IGSF10: variants seen among roughly 807,000 people sequenced by gnomAD.
IGSF10 encodes immunoglobulin superfamily member 10.
IGSF10 carries 126 observed loss-of-function variants against 128.2 expected under a neutral mutation model. The ratio of observed to expected loss-of-function variants is 0.98; its 90% CI spans 0.85 to 1.14. The LOEUF is 1.14. IGSF10 is among the 50% of genes most tolerant of loss of function. The pLI is 0.00. For synonymous variants in IGSF10, 1,185 were observed against 1,146.2 expected (o/e 1.03, Z -0.68); for missense variants, 3,295 against 3,149.8 (o/e 1.05, Z -1.10).
the IGSF10 span, among the ~76,000 whole-genome samples, chr3:151,588,573 G>A: frequency 6.6e-6 from 1 of 152,144 alleles, no homozygotes; most frequent in African/African-American, 2.4e-5. Flanking sequence ...CCTATTAGGT[G>A]GTTACAGCCC....
chr3:151,452,937 G>A (rs544266165), intron 5 of IGSF10, among the ~76,000 whole-genome samples: 55 of 152,114 alleles, frequency 3.6e-4, no homozygotes, highest in African/African-American at 1.0e-3. Flanking sequence ...CAGCAGGTAC[G>A]AGGAGGTAAA....
the IGSF10 span, among the ~76,000 whole-genome samples, chr3:151,513,771 C>T: frequency 2.0e-5 from 3 of 152,064 alleles, no homozygotes; most frequent in East Asian, 1.9e-4. Flanking sequence ...ACTTCAGCAA[C>T]GTCTCAGGAT....
Position 151,447,295 on chromosome 3 carries a change from G to A in IGSF10, c.2686C>T (p.Leu896=). 6.2e-7 allele frequency: 1 copy of A among 1,614,192 alleles called. No individual in the cohort carries two copies. Among genetic ancestry groups the A allele is most frequent in the Non-Finnish European group, 8.5e-7 (1 of 1,180,028 alleles). Residue 896 remains leucine (L), a synonymous_variant, in exon 6 of 8, where the codon CTG becomes TTG. Transcript: ENST00000282466. ...TNQHSSTVFP[L]LLGATEFQDS... is the part of the protein sequence containing the mutation. ...TGAAATTCAGTTGCTCCAAGTAGCA[G>A]TGGAAAGACAGTGGATGAATGTTGA... is the stretch of plus-strand genomic sequence containing the variant.
the IGSF10 span, among the ~76,000 whole-genome samples, chr3:151,613,646 C>T: frequency 2.6e-5 from 4 of 152,226 alleles, no homozygotes; most frequent in African/African-American, 9.6e-5. Flanking sequence ...AACTGGATCC[C>T]TTCCTTACAC....
chr3:151,437,620 A>C lies in IGSF10; in HGVS notation c.6941T>G (p.Val2314Gly). The change falls in exon 8 of 8, where the codon GTG (valine) becomes GGG (glycine). Residue 2314 changes from valine (V) to glycine (G), a missense_variant. Physicochemically the swap from Val to Gly is moderately radical, Grantham distance 109. Transcript: ENST00000282466. Reference sequence around the variant, plus strand: ...GCTCTCTCCACCTTCATTTCGGGCCACACAGATAAAGTCGGCTGAATCTGA... The same window carrying C: ...GCTCTCTCCACCTTCATTTCGGGCCCCACAGATAAAGTCGGCTGAATCTGA... ...RLSDSADFIC[V>G]ARNEGGESVL... 2 of 1,614,218 alleles carry C rather than the reference A, an allele frequency of 1.2e-6. No homozygotes were observed. Among genetic ancestry groups the C allele is most frequent in the South Asian group, 1.1e-5 (1 of 91,090 alleles).
At chr3:151,603,774 G>A in the IGSF10 span, among the ~76,000 whole-genome samples, 1 of 152,192 alleles carries the variant, frequency 6.6e-6, no homozygotes, top group Non-Finnish European at 1.5e-5. Flanking sequence ...CTCATTCAAT[G>A]GCTGATAGGT....
intron 5 of IGSF10, among the ~76,000 whole-genome samples, chr3:151,451,713 G>A (rs1239634097): frequency 2.0e-5 from 3 of 152,142 alleles, no homozygotes; most frequent in East Asian, 1.9e-4. Flanking sequence ...TGTATCACAT[G>A]TATTGGTGCT....
At chr3:151,512,048 A>C in the IGSF10 span, among the ~76,000 whole-genome samples, 1 of 152,230 alleles carries the variant, frequency 6.6e-6, no homozygotes, top group Non-Finnish European at 1.5e-5. Flanking sequence ...AACATTAGAC[A>C]GATCAACTAG....
the IGSF10 span, among the ~76,000 whole-genome samples, chr3:151,494,358 G>A: frequency 6.6e-6 from 1 of 152,068 alleles, no homozygotes; most frequent in South Asian, 2.1e-4. Flanking sequence ...CAGGAGGGGA[G>A]CTATGTGCAG....
At position 151,448,204 on chromosome 3, in the gene IGSF10, G is replaced by A. The variant is rs1721316020; in HGVS notation, c.1777C>T (p.Leu593Phe). Residue 593 changes from leucine to phenylalanine, a missense_variant, in exon 6 of 8, where the codon CTT becomes TTT. Transcript: ENST00000282466. Reference protein sequence around the residue: ...HTVFIGETLDLPCHSTGIPDA... With the variant: ...HTVFIGETLDFPCHSTGIPDA... ...GGGATACCAGTAGAATGGCATGGAA[G>A]ATCAAGTGTTTCACCAATGAAAACT... 6.2e-7 allele frequency: 1 copy of A among 1,614,086 alleles called. No homozygotes were observed. Among genetic ancestry groups the A allele is most frequent in the African/African-American group, 1.3e-5 (1 of 74,928 alleles).
chr3:151,566,489 AC>A, the IGSF10 span, among the ~76,000 whole-genome samples: 1 of 152,186 alleles, frequency 6.6e-6, no homozygotes, highest in Non-Finnish European at 1.5e-5. Flanking sequence ...TCTTCTGACA[AC>A]CCATGTGTTG....
At chr3:151,566,529 A>G in the IGSF10 span, among the ~76,000 whole-genome samples, 1 of 152,186 alleles carries the variant, frequency 6.6e-6, no homozygotes, top group African/African-American at 2.4e-5. Flanking sequence ...GGCTGATAGA[A>G]TAGTCGCTAT....
downstream of IGSF10, chr3:151,434,630 A>ATATC (rs1228994964): frequency 2.6e-5 from 4 of 152,234 alleles, no homozygotes; most frequent in East Asian, 3.8e-4. Context: ...TCAAAGTAAT[A>ATATC]TATCTATATA....
In IGSF10 at chr3:151,436,803, T is replaced by C. The variant is rs757369773; in HGVS notation, c.7758A>G (p.Leu2586=). ...ERTHGSEQLH[L]QGTLVIQNPQ... ...GATTCTGAATGACTAGGGTACCTTG[T>C]AAGTGAAGCTGCTCACTTCCATGTG... Residue 2586 remains leucine (L), a synonymous_variant, in exon 8 of 8, where the codon TTA becomes TTG. Transcript: ENST00000282466. 3.7e-6 allele frequency: 6 copies of C among 1,613,942 alleles called. No individual in the cohort carries two copies. Among genetic ancestry groups the C allele is most frequent in the Non-Finnish European group, 5.1e-6 (6 of 1,179,876 alleles).
At chr3:151,498,492 C>T in the IGSF10 span, among the ~76,000 whole-genome samples, 1 of 152,162 alleles carries the variant, frequency 6.6e-6, no homozygotes, top group Admixed American at 6.5e-5. Flanking sequence ...CCCTGGGATG[C>T]AAGGCTGGTT....
the IGSF10 span, among the ~76,000 whole-genome samples, chr3:151,496,430 G>T: frequency 6.9e-6 from 1 of 144,320 alleles, no homozygotes; most frequent in Non-Finnish European, 1.5e-5. Context: ...TTCCCTATGA[G>T]TGAGAACATG....
the IGSF10 span, among the ~76,000 whole-genome samples, chr3:151,570,366 T>A: frequency 7.3e-4 from 111 of 152,338 alleles, no homozygotes; most frequent in African/African-American, 2.6e-3. Flanking sequence ...GTAAAAGTGT[T>A]CCTATTTCTC....
chr3:151,503,724 G>A, the IGSF10 span, among the ~76,000 whole-genome samples: 2 of 152,166 alleles, frequency 1.3e-5, no homozygotes, highest in African/African-American at 4.8e-5. Context: ...GGCTAAATGG[G>A]AGACCTGAGT....
chr3:151,511,281 C>T, the IGSF10 span, among the ~76,000 whole-genome samples: 1 of 152,172 alleles, frequency 6.6e-6, no homozygotes. Context: ...AGAAACTCTA[C>T]AAAGCCAGAA....
Sources: allele counts gnomAD v4.1 joint callset (sites outside exome capture counted in the v4.1 genomes callset), GRCh38; gene constraint gnomAD v4.1.1; transcripts MANE v1.5; gene names NCBI Gene and HGNC (gene_info 2026-07-23, HGNC 2026-07-21).